Variants in GRID2 observed in about 807,000 individuals in gnomAD.
The protein encoded by GRID2 is glutamate receptor ionotropic, delta-2.
In GRID2, 33 loss-of-function variants were observed where a neutral mutation model predicts 114.8. The ratio of observed to expected loss-of-function variants is 0.29; its 90% CI spans 0.22 to 0.38. GRID2 has a LOEUF of 0.38. Ranked by LOEUF, GRID2 falls within the 10% of genes least tolerant of loss-of-function variation. The pLI, the probability that GRID2 is intolerant of heterozygous loss-of-function variation, is 1.00. For synonymous variants in GRID2, 505 were observed against 449.9 expected (o/e 1.12, Z -1.55); for missense variants, 1,184 against 1,257.7 (o/e 0.94, Z 0.89).
intron 4 of GRID2, among the ~76,000 whole-genome samples, chr4:93,202,785 T>G (rs917078340): frequency 2.6e-5 from 4 of 152,130 alleles, no homozygotes; most frequent in Admixed American, 1.3e-4. Flanking sequence ...TTTTTGTAAG[T>G]GCTCACTCCA....
intron 8 of GRID2, among the ~76,000 whole-genome samples, chr4:93,240,522 T>G (rs1747373909): frequency 6.6e-6 from 1 of 151,432 alleles, no homozygotes; most frequent in Non-Finnish European, 1.5e-5. Context: ...TTTTAGTGTT[T>G]TATCATTTAA....
chr4:93,128,650 AGAG>A (rs2149372201), intron 4 of GRID2, among the ~76,000 whole-genome samples: 1 of 152,294 alleles, frequency 6.6e-6, no homozygotes, highest in African/African-American at 2.4e-5. Flanking sequence ...AGGGCTAAGA[AGAG>A]GAGCAGGAAT....
intron 13 of GRID2, among the ~76,000 whole-genome samples, chr4:93,517,971 A>G (rs548558324): frequency 3.1e-5 from 1 of 31,814 alleles, no homozygotes; most frequent in Non-Finnish European, 6.9e-5. Flanking sequence ...GTATATACAT[A>G]CATGTACATG....
intron 1 of GRID2, among the ~76,000 whole-genome samples, chr4:92,383,188 C>A (rs1469372172): frequency 6.6e-6 from 1 of 151,928 alleles, no homozygotes. Context: ...ATGATCCAAT[C>A]ACCTCCTACC....
At chr4:92,787,892 A>T (rs1402736048) in intron 2 of GRID2, among the ~76,000 whole-genome samples, 1 of 151,744 alleles carries the variant, frequency 6.6e-6, no homozygotes, top group Non-Finnish European at 1.5e-5. Flanking sequence ...GGATTGTCTG[A>T]CCGCTTGATA....
intron 1 of GRID2, among the ~76,000 whole-genome samples, chr4:93,783,597 GAA>G (rs1734524996): frequency 6.6e-6 from 1 of 152,122 alleles, no homozygotes; most frequent in South Asian, 2.1e-4. Context: ...TAGGAGCTTA[GAA>G]AACACAAACA....
chr4:92,353,756 C>T (rs934219247), intron 1 of GRID2, among the ~76,000 whole-genome samples: 3 of 151,978 alleles, frequency 2.0e-5, no homozygotes, highest in South Asian at 2.1e-4. Context: ...TATGGATCAG[C>T]CCAAGTTAAA....
At chr4:93,394,230 G>C (rs942351023) in intron 8 of GRID2, among the ~76,000 whole-genome samples, 77 of 152,074 alleles carry the variant, frequency 5.1e-4, no homozygotes, top group African/African-American at 1.9e-3. Context: ...ATTTGGATTT[G>C]CTAATTGGAT....
At chr4:93,212,044 T>A (rs1743551008) in intron 5 of GRID2, among the ~76,000 whole-genome samples, 1 of 151,924 alleles carries the variant, frequency 6.6e-6, no homozygotes, top group Non-Finnish European at 1.5e-5. Context: ...TAATTTTCCC[T>A]AGTTTCTATA....
intron 8 of GRID2, among the ~76,000 whole-genome samples, chr4:93,363,258 C>G (rs1762039056): frequency 1.3e-5 from 2 of 152,066 alleles, no homozygotes; most frequent in African/African-American, 4.8e-5. Flanking sequence ...TCATCAGGAC[C>G]TCAATCTCCT....
At chr4:92,935,520 C>A (rs1440114803) in intron 2 of GRID2, among the ~76,000 whole-genome samples, 1 of 146,656 alleles carries the variant, frequency 6.8e-6, no homozygotes, top group African/African-American at 2.4e-5. Flanking sequence ...TTTGACCCAG[C>A]CATCCCATTA....
intron 2 of GRID2, among the ~76,000 whole-genome samples, chr4:92,607,503 AT>A (rs1729515324): frequency 6.6e-6 from 1 of 151,798 alleles, no homozygotes; most frequent in East Asian, 1.9e-4. Flanking sequence ...ACTGGTGAAC[AT>A]TTTTCATAGC....
chr4:92,409,454 T>A, intron 1 of GRID2, among the ~76,000 whole-genome samples: 1 of 152,214 alleles, frequency 6.6e-6, no homozygotes, highest in South Asian at 2.1e-4. Context: ...TTTTAAGTAT[T>A]TATTACTTTC....
At chr4:92,760,305 T>G (rs1040337206) in intron 2 of GRID2, among the ~76,000 whole-genome samples, 4 of 151,438 alleles carry the variant, frequency 2.6e-5, no homozygotes, top group African/African-American at 9.7e-5. Flanking sequence ...AGAGATGCTG[T>G]GCTGTTCCAC....
chr4:93,200,566 A>AAAAAAAAAAAAACAAAAC (rs1554006814), intron 4 of GRID2, among the ~76,000 whole-genome samples: 2 of 149,864 alleles, frequency 1.3e-5, no homozygotes, highest in African/African-American at 4.9e-5. Flanking sequence ...ACTCCGTCTC[A>AAAAAAAAAAAAACAAAAC]AAACAAACAA....
At chr4:93,401,846 C>T (rs1038032669) in intron 9 of GRID2, among the ~76,000 whole-genome samples, 39 of 151,944 alleles carry the variant, frequency 2.6e-4, no homozygotes, top group Admixed American at 2.2e-3. Context: ...CTGCAGCAGA[C>T]AGCCACCTAC....
chr4:93,383,910 C>T (rs933728686), intron 8 of GRID2, among the ~76,000 whole-genome samples: 3 of 152,104 alleles, frequency 2.0e-5, no homozygotes, highest in African/African-American at 7.2e-5. Context: ...CTGGAGAAAA[C>T]TCACAGAGCA....
At chr4:92,966,901 T>C (rs1753192262) in intron 2 of GRID2, among the ~76,000 whole-genome samples, 1 of 151,962 alleles carries the variant, frequency 6.6e-6, no homozygotes, top group Admixed American at 6.6e-5. Flanking sequence ...ATATTAGGTA[T>C]TATCCTAAAC....
chr4:92,682,479 G>C (rs1189454091), intron 2 of GRID2, among the ~76,000 whole-genome samples: 2 of 152,082 alleles, frequency 1.3e-5, no homozygotes, highest in Admixed American at 1.3e-4. Context: ...AGAACTACTG[G>C]TCTAAGCCTG....
Sources: gnomAD v4.1 joint callset for allele counts (sites outside exome capture counted in the v4.1 genomes callset) on GRCh38, gnomAD v4.1.1 for gene constraint, MANE v1.5 for transcripts, NCBI Gene and HGNC (gene_info 2026-07-23, HGNC 2026-07-21) for gene names.